GRIP1: variants seen among roughly 807,000 people sequenced by gnomAD.
The protein encoded by GRIP1 is glutamate receptor-interacting protein 1.
GRIP1 carries 45 observed loss-of-function variants against 129.9 expected under a neutral mutation model. The observed-to-expected ratio is 0.35, with a 90% confidence interval of 0.27 to 0.44. The LOEUF is 0.44. Among genes scored for constraint, GRIP1 ranks in the 20% least tolerant of loss-of-function variants. GRIP1 has a pLI of 1.00. For synonymous variants in GRIP1, 530 were observed against 520.8 expected, an observed-to-expected ratio of 1.02 and a Z score of -0.24; for missense variants, 1,196 against 1,396.8, an observed-to-expected ratio of 0.86 and a Z score of 2.29.
At chr12:66,580,850 G>C (rs1397805982) in intron 2 of GRIP1, among the ~76,000 whole-genome samples, 4 of 151,522 alleles carry the variant, frequency 2.6e-5, no homozygotes, top group African/African-American at 9.7e-5. Flanking sequence ...ACAGATCAAC[G>C]AGACAGAAAG....
At chr12:66,989,111 G>A (rs1305912620) in intron 1 of GRIP1, among the ~76,000 whole-genome samples, 1 of 152,202 alleles carries the variant, frequency 6.6e-6, no homozygotes, top group Admixed American at 6.5e-5. Context: ...GACTGTGGAA[G>A]ACTATACTGT....
At chr12:67,033,271 GTATATATA>G (rs3051221) in intron 1 of GRIP1, among the ~76,000 whole-genome samples, 1 of 143,004 alleles carries the variant, frequency 7.0e-6, no homozygotes, top group African/African-American at 2.6e-5. Flanking sequence ...AAGACTACAT[GTATATATA>G]TATATATATA....
At chr12:66,514,869 C>A (rs1472835313) in intron 7 of GRIP1, among the ~76,000 whole-genome samples, 1 of 152,078 alleles carries the variant, frequency 6.6e-6, no homozygotes, top group African/African-American at 2.4e-5. Flanking sequence ...AAAGTCAGGT[C>A]ACCTAATCGA....
At chr12:66,428,081 G>A (rs2058040679) in intron 14 of GRIP1, among the ~76,000 whole-genome samples, 2 of 152,008 alleles carry the variant, frequency 1.3e-5, no homozygotes, top group African/African-American at 4.8e-5. Flanking sequence ...TTCTCTCGCT[G>A]AAAATCCTAG....
At chr12:66,916,513 GC>G (rs2041124947) in intron 1 of GRIP1, among the ~76,000 whole-genome samples, 1 of 152,148 alleles carries the variant, frequency 6.6e-6, no homozygotes, top group African/African-American at 2.4e-5. Context: ...CCACCAGTGT[GC>G]TGTAAAGTGC....
At chr12:66,823,800 C>T (rs1379715037) in intron 1 of GRIP1, among the ~76,000 whole-genome samples, 1 of 152,140 alleles carries the variant, frequency 6.6e-6, no homozygotes, top group African/African-American at 2.4e-5. Context: ...CAGCATCATC[C>T]TCTTTGCCTT....
chr12:66,922,692 T>C (rs1249448416), intron 1 of GRIP1, among the ~76,000 whole-genome samples: 2 of 152,170 alleles, frequency 1.3e-5, no homozygotes, highest in Admixed American at 1.3e-4. Flanking sequence ...TCTGGGAAAA[T>C]ACTTCAAAGG....
At chr12:66,674,892 G>A (rs1295797771) in intron 1 of GRIP1, among the ~76,000 whole-genome samples, 1 of 152,136 alleles carries the variant, frequency 6.6e-6, no homozygotes, top group East Asian at 1.9e-4. Context: ...AGAAGAGAGG[G>A]AGAGAGAAAG....
At chr12:66,414,082 T>C (rs528906520) in intron 15 of GRIP1, among the ~76,000 whole-genome samples, 9 of 152,096 alleles carry the variant, frequency 5.9e-5, no homozygotes, top group Non-Finnish European at 1.3e-4. Flanking sequence ...CATAGTATAT[T>C]GGAAGTTCTG....
chr12:66,924,842 T>C (rs1280459450), intron 1 of GRIP1, among the ~76,000 whole-genome samples: 2 of 151,904 alleles, frequency 1.3e-5, no homozygotes, highest in Non-Finnish European at 2.9e-5. Flanking sequence ...TGGTGGCGGG[T>C]GCCTGTAGTC....
intron 1 of GRIP1, among the ~76,000 whole-genome samples, chr12:66,957,000 T>C (rs2041851887): frequency 6.6e-6 from 1 of 152,206 alleles, no homozygotes; most frequent in South Asian, 2.1e-4. Flanking sequence ...CCTCTGATAG[T>C]AAGAAACCTG....
In GRIP1 at chr12:66,757,551, T is replaced by C. The variant is rs150521305; in HGVS notation, c.-420+46502A>G. Among the ~76,000 whole-genome samples the C allele has an allele frequency of 1.8e-4, 27 of 152,306 alleles. 1 individual carries two copies. The East Asian group carries it at 1.9e-3, about 11-fold the overall frequency. On this transcript the variant is annotated intron_variant, in intron 1 of 4. Transcript: ENST00000538373. ...CTACTGTGAATAGTGCTTCAACACA[T>C]ATAGGAGTATTGCAGATACTTCCTC...
intron 1 of GRIP1, among the ~76,000 whole-genome samples, chr12:66,598,977 T>TA (rs199514692): frequency 0.046 from 7,008 of 152,308 alleles, 183 homozygotes; most frequent in African/African-American, 0.064. Context: ...TCTTTAGAAA[T>TA]GTACCCAGTT....
At chr12:66,933,266 A>G (rs1225340934) in intron 1 of GRIP1, among the ~76,000 whole-genome samples, 1 of 152,190 alleles carries the variant, frequency 6.6e-6, no homozygotes, top group African/African-American at 2.4e-5. Flanking sequence ...TTCCCAGAGG[A>G]GCTGCATAGA....
At chr12:66,716,202 T>C (rs1189131848) in intron 1 of GRIP1, among the ~76,000 whole-genome samples, 1 of 152,156 alleles carries the variant, frequency 6.6e-6, no homozygotes, top group Non-Finnish European at 1.5e-5. Context: ...ATTATTTTTA[T>C]TCCCAACATA....
At chr12:67,027,544 T>C (rs1191555288) in intron 1 of GRIP1, among the ~76,000 whole-genome samples, 1 of 152,206 alleles carries the variant, frequency 6.6e-6, no homozygotes, top group Admixed American at 6.5e-5. Flanking sequence ...GTAGAGTTCA[T>C]AGTCTAATAG....
At chr12:66,488,436 G>A (rs941635132) in intron 7 of GRIP1, among the ~76,000 whole-genome samples, 4 of 152,140 alleles carry the variant, frequency 2.6e-5, no homozygotes, top group South Asian at 2.1e-4. Context: ...TGAGAACAAA[G>A]AGACAATATA....
intron 1 of GRIP1, among the ~76,000 whole-genome samples, chr12:66,883,776 A>T (rs2040519100): frequency 6.6e-6 from 1 of 152,214 alleles, no homozygotes; most frequent in African/African-American, 2.4e-5. Context: ...TACATAGTGG[A>T]GAAGAGGGCA....
chr12:66,585,525 C>A (rs1289580544), intron 2 of GRIP1, among the ~76,000 whole-genome samples: 2 of 140,560 alleles, frequency 1.4e-5, no homozygotes, highest in Non-Finnish European at 3.1e-5. Flanking sequence ...GGGTTGGTTG[C>A]AAGTCTTTGC....
Sources: gnomAD v4.1 joint callset for allele counts (sites outside exome capture counted in the v4.1 genomes callset) on GRCh38, gnomAD v4.1.1 for gene constraint, MANE v1.5 for transcripts, NCBI Gene and HGNC (gene_info 2026-07-23, HGNC 2026-07-21) for gene names.